The following MRE11 variants were observed in gnomAD, a reference collection of about 807,000 sequenced individuals.
MRE11 encodes MRE11 double strand break repair nuclease, also known as double-strand break repair protein MRE11.
A neutral mutation model predicts 91.7 loss-of-function variants in MRE11; 62 were observed. That is an observed-to-expected ratio of 0.68 (90% CI 0.55 to 0.84). The LOEUF is 0.84. MRE11 is among the 40% of genes least tolerant of loss of function. The pLI, the probability that MRE11 is intolerant of heterozygous loss-of-function variation, is 0.00. For synonymous variants in MRE11, 273 were observed against 271.4 expected, an observed-to-expected ratio of 1.01 and a Z score of -0.06; for missense variants, 796 against 852.9, an observed-to-expected ratio of 0.93 and a Z score of 0.83.
the MRE11 span, among the ~76,000 whole-genome samples, chr11:94,504,153 G>C: frequency 1.3e-5 from 2 of 152,152 alleles, no homozygotes; most frequent in East Asian, 3.8e-4. Flanking sequence ...GAAATATGCC[G>C]TAGCTTGATC....
chr11:94,454,046 T>A (rs1011637069), intron 14 of MRE11, among the ~76,000 whole-genome samples: 5 of 152,008 alleles, frequency 3.3e-5, no homozygotes, highest in African/African-American at 9.7e-5. Flanking sequence ...AAGAAAAGAT[T>A]TGAGAGTTTT....
the MRE11 span, among the ~76,000 whole-genome samples, chr11:94,506,983 A>T: frequency 6.6e-6 from 1 of 152,100 alleles, no homozygotes; most frequent in Non-Finnish European, 1.5e-5. Context: ...TTTCTAAATA[A>T]AATATTCTTA....
chr11:94,435,334 C>T (rs1591640189), intron 18 of MRE11, among the ~76,000 whole-genome samples: 1 of 152,066 alleles, frequency 6.6e-6, no homozygotes, highest in Non-Finnish European at 1.5e-5. Context: ...GTGGGTGGAT[C>T]GCCTGAGCTC....
Position 94,418,491 on chromosome 11 carries a change from A to T in MRE11, c.*1634T>A. On this transcript the variant is annotated 3_prime_UTR_variant, in exon 20 of 20. Transcript: ENST00000323929. Reference sequence around the variant, plus strand: ...ACTCTCACCCAGACCCACCTAACTGATGCATGAGAAGAGCCACTAGCTGAT... The same window carrying T: ...ACTCTCACCCAGACCCACCTAACTGTTGCATGAGAAGAGCCACTAGCTGAT... The T allele has an allele frequency of 4.3e-6, 1 of 232,422 alleles. No individual in the cohort carries two copies. 14.4% of individuals were successfully genotyped at this position (232,422 alleles called of 1,614,324 possible).
At chr11:94,421,931 G>T (rs2134743606) in intron 19 of MRE11, among the ~76,000 whole-genome samples, 2 of 152,196 alleles carry the variant, frequency 1.3e-5, no homozygotes, top group Middle Eastern at 3.4e-3. Context: ...TTATTTCAGG[G>T]ATATAGATTT....
rs145732591 is a variant in MRE11 at position 94,476,089 on chromosome 11, T to C, written c.659+200A>G. Among the ~76,000 whole-genome samples, 118 of 152,338 alleles carry C rather than the reference T, an allele frequency of 7.7e-4. 1 individual carries two copies. In the East Asian group the frequency reaches 0.021, roughly 27 times the overall value. ...TATTCATGTGTATGCCTTATCCTTATGTTACAAATATTCTTGTAGGTATTA... is the reference window on the plus strand; with the variant it reads ...TATTCATGTGTATGCCTTATCCTTACGTTACAAATATTCTTGTAGGTATTA... On this transcript the variant is annotated intron_variant, in intron 7 of 19. Transcript: ENST00000323929.
chr11:94,456,420 T>G (rs922457925), intron 13 of MRE11, 82 bp from the exon 14 acceptor site: 5 of 1,069,080 alleles, frequency 4.7e-6, no homozygotes, highest in Non-Finnish European at 7.1e-6. Context: ...AATTAAGAAA[T>G]GCTTTATGTT....
Position 94,416,210 on chromosome 11 carries a change from C to T in MRE11, c.*3915G>A, listed in dbSNP as rs974397788. On this transcript the variant is annotated 3_prime_UTR_variant, in exon 20 of 20. Coordinates refer to ENST00000323929, the MANE Select transcript of MRE11 (RefSeq NM_005591.4). Reference sequence around the variant, plus strand: ...GTGGGGAGAGGATTAAAGGTAAGCACACACATTTTAATACACATTCAATGT... The same window carrying T: ...GTGGGGAGAGGATTAAAGGTAAGCATACACATTTTAATACACATTCAATGT... 1 of 152,186 alleles carries T rather than the reference C, an allele frequency of 6.6e-6. No homozygotes were observed. Among genetic ancestry groups the T allele is most frequent in the Non-Finnish European group, 1.5e-5 (1 of 68,036 alleles). The allele number at this position is 152,186 out of a possible 1,614,324, so 9.4% of individuals were successfully genotyped here.
At chr11:94,498,912 G>A in the MRE11 span, 1 of 186,946 alleles carries the variant, frequency 5.3e-6, no homozygotes, top group Non-Finnish European at 1.1e-5. Context: ...TATAAGGTGA[G>A]GTAACTCAGA....
intron 7 of MRE11, 129 bp downstream of exon 7, chr11:94,476,160 C>A: frequency 1.5e-6 from 1 of 661,052 alleles, no homozygotes; most frequent in Non-Finnish European, 2.7e-6. Context: ...CAAAGCAAAT[C>A]TATGTTTTGT....
intron 19 of MRE11, among the ~76,000 whole-genome samples, chr11:94,428,817 C>T (rs1021257545): frequency 1.3e-5 from 2 of 151,684 alleles, no homozygotes; most frequent in African/African-American, 4.8e-5. Context: ...GAGCTGAGGT[C>T]ACACCATTGC....
chr11:94,447,665 CAAA>C (rs56850566), intron 14 of MRE11, among the ~76,000 whole-genome samples: 1 of 48,978 alleles, frequency 2.0e-5, no homozygotes, highest in Non-Finnish European at 4.2e-5. Context: ...CCCGTCTCTA[CAAA>C]AAAAAAAAAA....
upstream of MRE11, chr11:94,498,740 G>T: frequency 3.5e-6 from 2 of 567,180 alleles, no homozygotes; most frequent in South Asian, 2.4e-5. Context: ...TGTGGAGTTT[G>T]TGATTTTTTT....
chr11:94,464,550 C>G (rs1946511611), intron 10 of MRE11, among the ~76,000 whole-genome samples: 1 of 152,190 alleles, frequency 6.6e-6, no homozygotes, highest in Admixed American at 6.5e-5. Flanking sequence ...AGCAAACCAT[C>G]TGAAAACAAT....
At chr11:94,486,488 C>T (rs1211918239) in intron 3 of MRE11, among the ~76,000 whole-genome samples, 1 of 152,164 alleles carries the variant, frequency 6.6e-6, no homozygotes, top group Non-Finnish European at 1.5e-5. Context: ...CAAAAAATAG[C>T]AATCTACAAA....
In MRE11 at chr11:94,478,121, A is replaced by C. The variant is rs139135446; in HGVS notation, c.544+614T>G. On this transcript the variant is annotated intron_variant, in intron 6 of 19. Transcript: ENST00000323929. ...ACAGGATAAGATAAGAGTTTGGGAG[A>C]AAATGGATGACTGGAGAGATGTGCT... Among the ~76,000 whole-genome samples, 43 of 152,232 alleles carry C rather than the reference A, an allele frequency of 2.8e-4. No homozygotes were observed. In the East Asian group the frequency reaches 7.9e-3, roughly 28 times the overall value.
At chr11:94,433,627 GA>G (rs1374476093) in intron 18 of MRE11, among the ~76,000 whole-genome samples, 6 of 152,148 alleles carry the variant, frequency 3.9e-5, no homozygotes, top group African/African-American at 1.4e-4. Context: ...TCGTGGTAGT[GA>G]ATAGGTCTCA....
At chr11:94,496,120 G>A (rs1947414860), upstream of MRE11, among the ~76,000 whole-genome samples, 1 of 151,450 alleles carries the variant, frequency 6.6e-6, no homozygotes, top group Non-Finnish European at 1.5e-5. Context: ...AAAGATATAT[G>A]TACCGATGAC....
At chr11:94,479,181 C>T (rs965429106) in intron 5 of MRE11, among the ~76,000 whole-genome samples, 1 of 151,986 alleles carries the variant, frequency 6.6e-6, no homozygotes, top group Non-Finnish European at 1.5e-5. Context: ...ATTAAGCAAC[C>T]GTCTTAAAGC....
Sources: allele counts gnomAD v4.1 joint callset (sites outside exome capture counted in the v4.1 genomes callset), GRCh38; gene constraint gnomAD v4.1.1; transcripts MANE v1.5; gene names NCBI Gene and HGNC (gene_info 2026-07-23, HGNC 2026-07-21).